The following DPP6 variants were observed in gnomAD, a reference collection of about 807,000 sequenced individuals.
The protein encoded by DPP6 is dipeptidyl peptidase like 6, also known as A-type potassium channel modulatory protein DPP6.
Under a neutral mutation model 122.6 loss-of-function variants are expected in DPP6, and 69 were observed. The ratio of observed to expected loss-of-function variants is 0.56; its 90% CI spans 0.46 to 0.69. The LOEUF is 0.69. Among genes scored for constraint, DPP6 ranks in the 30% least tolerant of loss-of-function variants. The pLI is 0.00. For synonymous variants in DPP6, 418 were observed against 433.1 expected, an observed-to-expected ratio of 0.97 and a Z score of 0.43; for missense variants, 928 against 1,116.9, an observed-to-expected ratio of 0.83 and a Z score of 2.41.
upstream of DPP6, among the ~76,000 whole-genome samples, chr7:154,047,579 T>G (rs1800085841): frequency 6.7e-6 from 1 of 150,066 alleles, no homozygotes. Context: ...TGGGAAGCAC[T>G]GTGGAAACGA....
intron 1 of DPP6, among the ~76,000 whole-genome samples, chr7:154,387,290 T>A (rs2151156981): frequency 6.6e-6 from 1 of 151,116 alleles, no homozygotes; most frequent in South Asian, 2.1e-4. Context: ...TGGAACACAG[T>A]GACACACAGT....
intron 3 of DPP6, among the ~76,000 whole-genome samples, chr7:154,517,622 T>G (rs1233860943): frequency 6.6e-6 from 1 of 152,144 alleles, no homozygotes; most frequent in African/African-American, 2.4e-5. Context: ...CTAGCATAAA[T>G]AAAGTATCAT....
chr7:154,343,016 C>T (rs760478368), intron 1 of DPP6, among the ~76,000 whole-genome samples: 4 of 152,168 alleles, frequency 2.6e-5, no homozygotes, highest in Non-Finnish European at 2.9e-5. Flanking sequence ...ACCATCTCGC[C>T]GCTAACCAAG....
intron 1 of DPP6, among the ~76,000 whole-genome samples, chr7:154,295,077 T>C (rs1034456332): frequency 1.3e-5 from 2 of 152,166 alleles, no homozygotes; most frequent in African/African-American, 2.4e-5. Context: ...CATTCAAGGA[T>C]GTGAAGTTGT....
intron 5 of DPP6, among the ~76,000 whole-genome samples, chr7:154,627,547 G>A (rs535932823): frequency 6.6e-6 from 1 of 152,078 alleles, no homozygotes; most frequent in Non-Finnish European, 1.5e-5. Context: ...CATGCAAATG[G>A]TATAAAATAT....
intron 1 of DPP6, among the ~76,000 whole-genome samples, chr7:154,266,385 C>G (rs1803420728): frequency 6.6e-6 from 1 of 152,118 alleles, no homozygotes; most frequent in Non-Finnish European, 1.5e-5. Flanking sequence ...GATCCGCCAG[C>G]CTTGGCCTCC....
chr7:154,793,892 C>A, intron 10 of DPP6, 187 bp from the exon 11 acceptor site: 2 of 860,470 alleles, frequency 2.3e-6, no homozygotes, highest in Non-Finnish European at 3.4e-6. Flanking sequence ...ACTGGGCGGC[C>A]CCTCAGAGTC....
chr7:153,834,445 C>T, the DPP6 span, among the ~76,000 whole-genome samples: 3 of 151,924 alleles, frequency 2.0e-5, no homozygotes, highest in African/African-American at 2.4e-5. Flanking sequence ...TCAAAATTTC[C>T]TGAGTCTCAG....
At chr7:154,330,698 C>T (rs922236104) in intron 1 of DPP6, among the ~76,000 whole-genome samples, 22 of 152,232 alleles carry the variant, frequency 1.4e-4, no homozygotes, top group African/African-American at 2.2e-4. Flanking sequence ...TGTACTTCTG[C>T]GTGCACGTTG....
intron 1 of DPP6, among the ~76,000 whole-genome samples, chr7:153,898,644 A>G (rs1799511628): frequency 6.6e-6 from 1 of 152,240 alleles, no homozygotes; most frequent in East Asian, 1.9e-4. Flanking sequence ...AAAGATATTC[A>G]TATAGAGCCT....
rs1354440590 is a variant in DPP6 at position 154,446,340 on chromosome 7, A to G, written c.358+12A>G. On this transcript the variant is annotated intron_variant, in intron 2 of 25. Coordinates refer to ENST00000377770, the MANE Select transcript of DPP6 (RefSeq NM_130797.4). ...ACTTCTGACACCAGGTACTGTATTC[A>G]TTCTTGGAAAAGCAAGTCGCTGTCA... 3 of 1,590,834 alleles carry G rather than the reference A, an allele frequency of 1.9e-6. No individual in the cohort carries two copies. The highest frequency in any genetic ancestry group is 2.6e-6 in the Non-Finnish European group (3 of 1,168,762).
At chr7:154,706,869 C>T (rs750011044) in intron 7 of DPP6, among the ~76,000 whole-genome samples, 8 of 152,058 alleles carry the variant, frequency 5.3e-5, no homozygotes, top group Non-Finnish European at 1.2e-4. Context: ...TTTCCTTTAG[C>T]GTTTGAAAGC....
intron 1 of DPP6, among the ~76,000 whole-genome samples, chr7:154,167,008 A>C (rs1267272155): frequency 2.0e-5 from 3 of 149,152 alleles, no homozygotes; most frequent in Non-Finnish European, 2.9e-5. Flanking sequence ...ACAATACAAA[A>C]ATTGTAAGTA....
the DPP6 span, among the ~76,000 whole-genome samples, chr7:153,872,321 G>C: frequency 2.0e-5 from 3 of 152,162 alleles, no homozygotes; most frequent in African/African-American, 7.2e-5. Context: ...TACTGCTATG[G>C]AAGGTGCTCT....
chr7:154,334,499 A>G (rs1809227309), intron 1 of DPP6, among the ~76,000 whole-genome samples: 1 of 152,226 alleles, frequency 6.6e-6, no homozygotes, highest in African/African-American at 2.4e-5. Context: ...GCTGCGTGGA[A>G]AAGCCAAGAT....
chr7:154,877,980 G>A lies in DPP6; in HGVS notation c.2078+1880G>A, dbSNP rs1200181437. 2.0e-5 allele frequency among the ~76,000 whole-genome samples: 3 copies of A among 152,330 alleles called. No homozygotes were observed. Among genetic ancestry groups the A allele is most frequent in the Admixed American group, 2.0e-4 (3 of 15,306 alleles). On this transcript the variant is annotated intron_variant, in intron 20 of 25. Transcript: ENST00000377770. The surrounding 1 kb of genome is among the most constrained non-coding windows in gnomAD (Gnocchi z 5.2). ...CGGAAGCCGGCCCAGGCTGCGCTCT[G>A]GAGTGGAGTGGGCCTGGCTTCCTGG...
intron 16 of DPP6, among the ~76,000 whole-genome samples, chr7:154,816,423 T>G (rs1172302687): frequency 6.6e-6 from 1 of 152,130 alleles, no homozygotes; most frequent in Non-Finnish European, 1.5e-5. Context: ...GAAAAAACAT[T>G]ATATATATGG....
the DPP6 span, among the ~76,000 whole-genome samples, chr7:153,830,775 G>C: frequency 2.0e-5 from 3 of 152,026 alleles, no homozygotes; most frequent in Non-Finnish European, 4.4e-5. Flanking sequence ...ATCGCACCAG[G>C]GATAACAATA....
At chr7:154,122,792 G>A (rs1169402045) in intron 1 of DPP6, among the ~76,000 whole-genome samples, 2 of 152,100 alleles carry the variant, frequency 1.3e-5, no homozygotes, top group Non-Finnish European at 2.9e-5. Flanking sequence ...CCCCTCCCTC[G>A]AATTATCAGA....
Sources: allele counts gnomAD v4.1 joint callset (sites outside exome capture counted in the v4.1 genomes callset), GRCh38; gene constraint gnomAD v4.1.1; non-coding constraint Gnocchi (gnomAD v3.1); transcripts MANE v1.5; gene names NCBI Gene and HGNC (gene_info 2026-07-23, HGNC 2026-07-21).